ACOT2: variants seen among roughly 807,000 people sequenced by gnomAD.
ACOT2 encodes the protein acyl-coenzyme A thioesterase 2, mitochondrial.
ACOT2 carries 15 observed loss-of-function variants against 20.1 expected under a neutral mutation model. The observed-to-expected ratio is 0.75, with a 90% CI of 0.50 to 1.15. The LOEUF (loss-of-function observed/expected upper bound fraction) is 1.15, where lower values mean the gene tolerates loss of function less well. Ranked by LOEUF, ACOT2 falls within the 50% of genes most tolerant of loss-of-function variation. The pLI, the probability that ACOT2 is intolerant of heterozygous loss-of-function variation, is 0.00. For missense variants in ACOT2, 479 were observed against 615.3 expected (o/e 0.78, Z 2.34); for synonymous variants, 252 against 268.4 (o/e 0.94, Z 0.60).
chr14:73,575,181 G>A lies in ACOT2; in HGVS notation c.1120G>A (p.Glu374Lys), dbSNP rs1237015156. ...TGACCAGAAGAGCTTCATTCCTGTGGAAAGGGCAGAGAGCACCTTCCTGTT... is the reference window on the plus strand; with the variant it reads ...TGACCAGAAGAGCTTCATTCCTGTGAAAAGGGCAGAGAGCACCTTCCTGTT... ...GPDQKSFIPV[E>K]RAESTFLFLV... The change falls in exon 3 of 3, where the codon GAA (glutamate) becomes AAA (lysine). Residue 374 changes from glutamate (E) to lysine (K), a missense_variant. Glu to Lys is a moderately conservative substitution (Grantham distance 56, BLOSUM62 1). Coordinates refer to ENST00000238651, the MANE Select transcript of ACOT2 (RefSeq NM_006821.6). 6 of 1,115,532 alleles carry A rather than the reference G, an allele frequency of 5.4e-6. No individual in the cohort carries two copies. The highest frequency in any genetic ancestry group is 2.7e-5 in the East Asian group (1 of 36,566). The allele number at this position is 1,115,532 out of a possible 1,614,324, so 69.1% of individuals were successfully genotyped here.
rs1490837739 is a variant in ACOT2 at position 73,569,959 on chromosome 14, CT to C, written c.643+78del. The C allele has an allele frequency of 4.7e-6, 7 of 1,500,424 alleles. 1 individual carries two copies. Among genetic ancestry groups the C allele is most frequent in the Non-Finnish European group, 6.2e-6 (7 of 1,127,270 alleles). The allele number at this position is 1,500,424 out of a possible 1,614,324, so 92.9% of individuals were successfully genotyped here. ...TGTCTCCCCCGCCCCACGCTTTTCGCTTATGTGTATGCCCCCCCGCCGCGCC... is the reference window on the plus strand; with the variant it reads ...TGTCTCCCCCGCCCCACGCTTTTCGCTATGTGTATGCCCCCCCGCCGCGCC... On this transcript the variant is annotated intron_variant, in intron 1 of 2. Coordinates refer to ENST00000238651, the MANE Select transcript of ACOT2 (RefSeq NM_006821.6).
At chr14:73,571,967 AAC>A (rs538999111) in intron 1 of ACOT2, among the ~76,000 whole-genome samples, 42 of 151,764 alleles carry the variant, frequency 2.8e-4, no homozygotes, top group African/African-American at 1.0e-3. Flanking sequence ...AAAATAAAAC[AAC>A]AGAGTACATT....
intron 1 of ACOT2, among the ~76,000 whole-genome samples, chr14:73,570,976 CTTTTTTT>C (rs369680117): frequency 1.3e-5 from 1 of 74,354 alleles, no homozygotes; most frequent in Non-Finnish European, 3.0e-5. Context: ...TAGGAAGCCA[CTTTTTTT>C]TTTTTTTAAA....
upstream of ACOT2, among the ~76,000 whole-genome samples, chr14:73,568,328 G>A (rs1246091847): frequency 2.0e-5 from 3 of 150,260 alleles, no homozygotes; most frequent in East Asian, 5.9e-4. Flanking sequence ...CAAGGGCTTG[G>A]CAGGGGCCTA....
At chr14:73,570,535 C>T (rs1889707990) in intron 1 of ACOT2, among the ~76,000 whole-genome samples, 1 of 151,858 alleles carries the variant, frequency 6.6e-6, no homozygotes, top group Non-Finnish European at 1.5e-5. Flanking sequence ...CGCCACTGCA[C>T]TCCAGCCTGG....
chr14:73,569,146 G>A, upstream of ACOT2: 2 of 1,438,800 alleles, frequency 1.4e-6, no homozygotes, highest in South Asian at 1.3e-5. Context: ...TCTATATTTG[G>A]TCTGGCTGAT....
At position 73,569,802 on chromosome 14, in the gene ACOT2, G is replaced by T. The variant is rs761134038; in HGVS notation, c.562G>T (p.Glu188Ter). The T allele has an allele frequency of 1.9e-6, 3 of 1,602,856 alleles. No individual in the cohort carries two copies. The highest frequency in any genetic ancestry group is 1.3e-5 in the African/African-American group (1 of 74,720). The change falls in exon 1 of 3, where the codon GAG (glutamate) becomes TAG (stop). Residue 188 changes from glutamate to a stop codon, truncating the protein, a stop_gained. Coordinates refer to ENST00000238651, the MANE Select transcript of ACOT2 (RefSeq NM_006821.6). LOFTEE classifies it high-confidence loss of function. ...PGRLLCQTRHERYFLPPGVRR... is the reference protein window; with the variant it reads ...PGRLLCQTRH ...GCGGCTGCTGTGCCAGACGCGGCAC[G>T]AGCGCTACTTCCTCCCGCCCGGGGT...
chr14:73,570,878 C>T (rs1447242836), intron 1 of ACOT2, among the ~76,000 whole-genome samples: 1 of 146,978 alleles, frequency 6.8e-6, no homozygotes, highest in African/African-American at 2.5e-5. Context: ...GCACTCCAGC[C>T]TGGGGGACAA....
Position 73,575,480 on chromosome 14 carries a change from T to A in ACOT2, c.1419T>A (p.Gly473=). The A allele has an allele frequency of 1.3e-6, 2 of 1,499,922 alleles. No homozygotes were observed. Among genetic ancestry groups the A allele is most frequent in the East Asian group, 4.7e-5 (2 of 42,430 alleles). 92.9% of individuals were successfully genotyped at this position (1,499,922 alleles called of 1,614,324 possible). A position where few individuals can be genotyped will look rare whatever the true frequency, so the allele number is the denominator to read the frequency against. ...AGACTTTCTTCCACAAACACTTGGGTGGCCACGAGGGGACAATCCCATCAA... is the reference window on the plus strand; with the variant it reads ...AGACTTTCTTCCACAAACACTTGGGAGGCCACGAGGGGACAATCCCATCAA... ...QLQTFFHKHL[G]GHEGTIPSKV The change falls in exon 3 of 3, where the codon GGT becomes GGA. Residue 473 remains glycine, a synonymous_variant. Coordinates refer to ENST00000238651, the MANE Select transcript of ACOT2 (RefSeq NM_006821.6).
At chr14:73,574,866 T>C (rs1023306350) in intron 2 of ACOT2, 42 bp from the exon 3 acceptor site, 2 of 1,613,202 alleles carry the variant, frequency 1.2e-6, no homozygotes, top group Non-Finnish European at 1.7e-6. Context: ...TTCCACTGTT[T>C]GTGGAATCAT....
rs765220557 is a variant in ACOT2 at position 73,569,286 on chromosome 14, A to G, written c.46A>G (p.Arg16Gly). The G allele has an allele frequency of 1.9e-6, 3 of 1,613,864 alleles. No homozygotes were observed. Among genetic ancestry groups the G allele is most frequent in the Non-Finnish European group, 2.5e-6 (3 of 1,179,758 alleles). Reference sequence around the variant, plus strand: ...TCCCCACCCCCATTCAGTTGTTCTCAGGTCTGAATTCAAAATGGCCTCATC... The same window carrying G: ...TCCCCACCCCCATTCAGTTGTTCTCGGGTCTGAATTCAAAATGGCCTCATC... ...LSPHPHSVVLRSEFKMASSPA... is the reference protein window; with the variant it reads ...LSPHPHSVVLGSEFKMASSPA... The change falls in exon 1 of 3, where the codon AGG becomes GGG. Residue 16 changes from arginine (R) to glycine (G), a missense_variant. Transcript: ENST00000238651.
At chr14:73,573,951 T>C (rs939214056) in intron 2 of ACOT2, among the ~76,000 whole-genome samples, 1 of 152,032 alleles carries the variant, frequency 6.6e-6, no homozygotes, top group Non-Finnish European at 1.5e-5. Flanking sequence ...GGTCTTGAAC[T>C]CCTGACCTCA....
At position 73,569,413 on chromosome 14, in the gene ACOT2, G is replaced by A; in HGVS notation, c.173G>A (p.Arg58Lys). 1 of 1,613,996 alleles carries A rather than the reference G, an allele frequency of 6.2e-7. No individual in the cohort carries two copies. The highest frequency in any genetic ancestry group is 2.2e-5 in the East Asian group (1 of 44,892). The change falls in exon 1 of 3, where the codon AGG becomes AAG. Residue 58 changes from arginine to lysine, a missense_variant. Physicochemically the swap from Arg to Lys is conservative, Grantham distance 26. Around this residue, in one of 4 missense-constraint regions of ACOT2, gnomAD observed 400 missense variants for 395.5 expected, o/e 1.01. Coordinates refer to ENST00000238651, the MANE Select transcript of ACOT2 (RefSeq NM_006821.6). ...CTGAGGCAGGTTGGTCAGATCATTAGGGTTCCTGCTCGGATGGCGGCGACG... is the reference window on the plus strand; with the variant it reads ...CTGAGGCAGGTTGGTCAGATCATTAAGGTTCCTGCTCGGATGGCGGCGACG... Reference protein sequence around the residue: ...PQLRQVGQIIRVPARMAATLI... With the variant: ...PQLRQVGQIIKVPARMAATLI...
intron 1 of ACOT2, chr14:73,571,510 G>A (rs10138751): frequency 0.81 from 123,532 of 151,896 alleles, 51,034 homozygotes; most frequent in East Asian, 0.95. Context: ...CTTCACACCC[G>A]TGGGCCACTT....
At chr14:73,569,964 G>T in intron 1 of ACOT2, 81 bp downstream of exon 1, 2 of 1,479,916 alleles carry the variant, frequency 1.4e-6, no homozygotes, top group Non-Finnish European at 9.0e-7. Flanking sequence ...TTTCGCTTAT[G>T]TGTATGCCCC....
chr14:73,573,006 A>AT (rs768325029), intron 1 of ACOT2, among the ~76,000 whole-genome samples: 16 of 151,228 alleles, frequency 1.1e-4, no homozygotes, highest in South Asian at 1.0e-3. Flanking sequence ...TGATAAAAAT[A>AT]TCAGTAAGTG....
chr14:73,572,857 G>A (rs1225812605), intron 1 of ACOT2, among the ~76,000 whole-genome samples: 1 of 149,612 alleles, frequency 6.7e-6, no homozygotes, highest in East Asian at 1.9e-4. Flanking sequence ...TGTTGGCCAG[G>A]CTGGTCTCGA....
At chr14:73,570,643 G>T (rs533969041) in intron 1 of ACOT2, among the ~76,000 whole-genome samples, 2 of 151,938 alleles carry the variant, frequency 1.3e-5, no homozygotes, top group East Asian at 3.9e-4. Context: ...GGTGGCTAAC[G>T]CCTGTAATCC....
At chr14:73,569,024 G>C (rs1407074629), upstream of ACOT2, 1 of 607,336 alleles carries the variant, frequency 1.6e-6, no homozygotes, top group Non-Finnish European at 2.9e-6. Context: ...AACCAGCCCT[G>C]GTCCAGCCCA....
Sources: gnomAD v4.1 joint callset for allele counts (sites outside exome capture counted in the v4.1 genomes callset) on GRCh38, gnomAD v4.1.1 for gene constraint, gnomAD v4.1.1 regional missense constraint, MANE v1.5 for transcripts, NCBI Gene and HGNC (gene_info 2026-07-23, HGNC 2026-07-21) for gene names.